MSRA: variants seen among roughly 807,000 people sequenced by gnomAD.
MSRA encodes the protein mitochondrial peptide methionine sulfoxide reductase.
A neutral mutation model predicts 31.3 loss-of-function variants in MSRA; 54 were observed. The ratio of observed to expected loss-of-function variants is 1.73; its 90% CI spans 1.39 to 2.17. The LOEUF is 2.17. MSRA is among the 30% of genes most tolerant of loss of function. MSRA has a pLI of 0.00. For synonymous variants in MSRA, 169 were observed against 116.5 expected, an observed-to-expected ratio of 1.45 and a Z score of -2.90; for missense variants, 507 against 300.9, an observed-to-expected ratio of 1.69 and a Z score of -5.07.
chr8:10,199,328 G>C (rs1351402026), intron 1 of MSRA, among the ~76,000 whole-genome samples: 1 of 152,056 alleles, frequency 6.6e-6, no homozygotes, highest in African/African-American at 2.4e-5. Context: ...TTGTTTGTTT[G>C]TTTGTTTTTT....
At chr8:10,360,461 T>C (rs1288104953) in intron 5 of MSRA, among the ~76,000 whole-genome samples, 3 of 152,212 alleles carry the variant, frequency 2.0e-5, no homozygotes, top group Non-Finnish European at 4.4e-5. Context: ...ATGCATTTAG[T>C]GCATCTGTGT....
intron 2 of MSRA, among the ~76,000 whole-genome samples, chr8:10,217,885 TATAA>T (rs1046401216): frequency 9.8e-5 from 15 of 152,304 alleles, no homozygotes; most frequent in African/African-American, 2.2e-4. Context: ...AATTGGTTAA[TATAA>T]ATAGTTTCTT....
intron 5 of MSRA, among the ~76,000 whole-genome samples, chr8:10,347,209 C>A (rs79564435): frequency 6.6e-6 from 1 of 152,180 alleles, no homozygotes; most frequent in Non-Finnish European, 1.5e-5. Context: ...TGCACCGTGT[C>A]TGGCTCCAGT....
chr8:10,353,130 G>C (rs1804288469), intron 5 of MSRA, among the ~76,000 whole-genome samples: 1 of 152,038 alleles, frequency 6.6e-6, no homozygotes, highest in Admixed American at 6.6e-5. Context: ...ACAGGCGTGT[G>C]CACACACACA....
chr8:10,419,496 C>T (rs1212376207), intron 5 of MSRA, among the ~76,000 whole-genome samples: 4 of 152,164 alleles, frequency 2.6e-5, no homozygotes, highest in African/African-American at 9.7e-5. Flanking sequence ...ATAACGGCCC[C>T]ACCCTGCAGG....
At chr8:10,065,268 CCCCATGCAGGTTGCTGG>C (rs551436444) in intron 1 of MSRA, among the ~76,000 whole-genome samples, 104 of 152,322 alleles carry the variant, frequency 6.8e-4, no homozygotes, top group Middle Eastern at 3.4e-3. Context: ...TCCCTGCTAG[CCCCATGCAGGTTGCTGG>C]GAAAGCACCT....
chr8:10,405,307 T>C (rs574811571), intron 5 of MSRA, among the ~76,000 whole-genome samples: 45 of 152,230 alleles, frequency 3.0e-4, no homozygotes, highest in Non-Finnish European at 3.5e-4. Flanking sequence ...CCCATCGCCC[T>C]GCCGGAGCAC....
At chr8:10,129,641 G>A (rs750767171) in intron 1 of MSRA, among the ~76,000 whole-genome samples, 18 of 152,242 alleles carry the variant, frequency 1.2e-4, no homozygotes, top group Non-Finnish European at 2.4e-4. Context: ...GTGCAGATCA[G>A]AAGGGGTGGG....
Position 10,281,273 on chromosome 8 carries a change from A to T in MSRA, c.332-20261A>T, listed in dbSNP as rs180956324. On this transcript the variant is annotated intron_variant, in intron 3 of 5. Coordinates refer to ENST00000317173, the MANE Select transcript of MSRA (RefSeq NM_012331.5). Reference sequence around the variant, plus strand: ...TTTAAATTTGTTTGTGCTGATTCTTACTCTCTCTCACCTCTCCCTCTCTGC... The same window carrying T: ...TTTAAATTTGTTTGTGCTGATTCTTTCTCTCTCTCACCTCTCCCTCTCTGC... 1.3e-4 allele frequency among the ~76,000 whole-genome samples: 20 copies of T among 152,096 alleles called. No homozygotes were observed. The East Asian group carries it at 3.7e-3, about 28-fold the overall frequency.
At chr8:10,242,530 G>A (rs1410401240) in intron 2 of MSRA, among the ~76,000 whole-genome samples, 1 of 152,102 alleles carries the variant, frequency 6.6e-6, no homozygotes, top group African/African-American at 2.4e-5. Context: ...CCTAATAACA[G>A]TGCATTGAAA....
At chr8:10,382,883 C>T (rs1367947997) in intron 5 of MSRA, among the ~76,000 whole-genome samples, 1 of 152,222 alleles carries the variant, frequency 6.6e-6, no homozygotes, top group Non-Finnish European at 1.5e-5. Context: ...AGATAATACT[C>T]TTCACCCTCC....
At chr8:10,331,887 C>T (rs1802722858) in intron 5 of MSRA, among the ~76,000 whole-genome samples, 1 of 151,938 alleles carries the variant, frequency 6.6e-6, no homozygotes. Context: ...TGTTTTTATT[C>T]ATTTATTTAT....
At chr8:10,334,186 T>TTG (rs1802882070) in intron 5 of MSRA, among the ~76,000 whole-genome samples, 1 of 88,240 alleles carries the variant, frequency 1.1e-5, no homozygotes, top group Non-Finnish European at 2.6e-5. Flanking sequence ...GTGTGTGTAT[T>TTG]TATGTGTGTG....
intron 5 of MSRA, among the ~76,000 whole-genome samples, chr8:10,370,862 G>A (rs978832148): frequency 4.6e-5 from 7 of 152,220 alleles, no homozygotes; most frequent in Admixed American, 2.0e-4. Context: ...ATATTCATCT[G>A]AGCAGATAAG....
At position 10,180,629 on chromosome 8, in the gene MSRA, C is replaced by G. The variant is rs773838958; in HGVS notation, c.143-27204C>G. Among the ~76,000 whole-genome samples the G allele has an allele frequency of 2.0e-5, 3 of 152,166 alleles. No homozygotes were observed. In the South Asian group the frequency reaches 6.2e-4, roughly 32 times the overall value. On this transcript the variant is annotated intron_variant, in intron 1 of 5. Coordinates refer to ENST00000317173, the MANE Select transcript of MSRA (RefSeq NM_012331.5). Reference sequence around the variant, plus strand: ...TATGACTAACAAGATGCTCCCCTTACCCCCATCACTCAGAATACCAAGGGT... The same window carrying G: ...TATGACTAACAAGATGCTCCCCTTAGCCCCATCACTCAGAATACCAAGGGT...
intron 1 of MSRA, among the ~76,000 whole-genome samples, chr8:10,133,090 A>G (rs1802017339): frequency 6.6e-6 from 1 of 152,108 alleles, no homozygotes; most frequent in Admixed American, 6.5e-5. Flanking sequence ...TCCGCATTGG[A>G]CTTGGGTGCT....
chr8:10,372,145 C>G (rs1805514072), intron 5 of MSRA, among the ~76,000 whole-genome samples: 1 of 152,198 alleles, frequency 6.6e-6, no homozygotes, highest in Admixed American at 6.5e-5. Context: ...ATCGTTAGCT[C>G]TTCTCACCAG....
At chr8:10,241,298 A>G (rs986132388) in intron 2 of MSRA, among the ~76,000 whole-genome samples, 26 of 152,286 alleles carry the variant, frequency 1.7e-4, no homozygotes, top group African/African-American at 5.8e-4. Context: ...CTGTCAAACC[A>G]GAGAGCAAAG....
chr8:10,422,657 G>A (rs1410855334), intron 5 of MSRA, among the ~76,000 whole-genome samples: 4 of 152,142 alleles, frequency 2.6e-5, no homozygotes, highest in Non-Finnish European at 5.9e-5. Context: ...AAAAGTTGCC[G>A]GGAGCTAGGC....
Sources: allele counts gnomAD v4.1 joint callset (sites outside exome capture counted in the v4.1 genomes callset), GRCh38; gene constraint gnomAD v4.1.1; transcripts MANE v1.5; gene names NCBI Gene and HGNC (gene_info 2026-07-23, HGNC 2026-07-21).